STX8: variants seen among roughly 807,000 people sequenced by gnomAD.
STX8 encodes syntaxin 8.
STX8 carries 23 observed loss-of-function variants against 37.5 expected under a neutral mutation model. The ratio of observed to expected loss-of-function variants is 0.61; its 90% confidence interval spans 0.44 to 0.87. STX8 has a LOEUF of 0.87. Among genes scored for constraint, STX8 ranks in the 40% least tolerant of loss-of-function variants. The pLI, the probability that STX8 is intolerant of heterozygous loss-of-function variation, is 0.00. For synonymous variants in STX8, 115 were observed against 99.1 expected (o/e 1.16, Z -0.95); for missense variants, 313 against 284.7 (o/e 1.10, Z -0.71).
chr17:9,434,662 A>C (rs553483432), intron 6 of STX8, among the ~76,000 whole-genome samples: 1 of 152,358 alleles, frequency 6.6e-6, no homozygotes, highest in East Asian at 1.9e-4. Flanking sequence ...GGCTTCACCC[A>C]GGAAAGAATT....
At position 9,303,183 on chromosome 17, in the gene STX8, C is replaced by G. The variant is rs537780424; in HGVS notation, c.644-52538G>C. On this transcript the variant is annotated intron_variant, in intron 7 of 7. Transcript: ENST00000306357. ...GCGCATTCCTGTAGTCCCAGCTACT[C>G]AGGAGGCTGAGGCAGGAGAATCGCT... 3.3e-5 allele frequency among the ~76,000 whole-genome samples: 5 copies of G among 152,166 alleles called. No individual in the cohort carries two copies. The East Asian group carries it at 9.7e-4, about 29-fold the overall frequency.
intron 6 of STX8, among the ~76,000 whole-genome samples, chr17:9,416,072 T>G (rs1471256794): frequency 6.6e-6 from 1 of 152,206 alleles, no homozygotes; most frequent in African/African-American, 2.4e-5. Flanking sequence ...TCATTCCCTA[T>G]CTCCAAGTGT....
chr17:9,485,853 T>C lies in STX8; in HGVS notation c.541+5976A>G, dbSNP rs578044555. Among the ~76,000 whole-genome samples the C allele has an allele frequency of 3.3e-5, 5 of 152,286 alleles. No homozygotes were observed. The East Asian group carries it at 9.6e-4, about 29-fold the overall frequency. On this transcript the variant is annotated intron_variant, in intron 6 of 7. Transcript: ENST00000306357. ...CACCTACCTTGGCCTCCCAAAGTAC[T>C]GGGATTACAGGCATAAGCCACCATG... is the stretch of plus-strand genomic sequence containing the variant.
At chr17:9,333,262 C>A (rs536329094) in intron 7 of STX8, among the ~76,000 whole-genome samples, 1 of 152,304 alleles carries the variant, frequency 6.6e-6, no homozygotes, top group Admixed American at 6.5e-5. Context: ...CTCTCTCCCC[C>A]ACAATAGTCC....
At position 9,559,492 on chromosome 17, in the gene STX8, G is replaced by A. The variant is rs144001169; in HGVS notation, c.118-1964C>T. Among the ~76,000 whole-genome samples the A allele has an allele frequency of 2.9e-3, 436 of 151,392 alleles. 2 individuals are homozygous for A. Among genetic ancestry groups the A allele is most frequent in the African/African-American group, 0.01 (417 of 41,350 alleles). On this transcript the variant is annotated intron_variant, in intron 2 of 7. Coordinates refer to ENST00000306357, the MANE Select transcript of STX8 (RefSeq NM_004853.3). ...TAAAAACAGAATAAACATATGATTA[G>A]TACAGTACAGGGGAAATTATAAACA... is the stretch of plus-strand genomic sequence containing the variant.
rs745424722 is a variant in STX8, at chr17:9,546,590, G to GTTTTTTTTTTTTTTTTTTT, written c.213-1309_213-1308insAAAAAAAAAAAAAAAAAAA. ...CTTTCTTGATGCAAACTACAAAAGT[G>GTTTTTTTTTTTTTTTTTTT]GTTTTTTTTTTTTTTTTTTTTTTTT... On this transcript the variant is annotated intron_variant, in intron 3 of 7. Coordinates refer to ENST00000306357, the MANE Select transcript of STX8 (RefSeq NM_004853.3). 6.0e-3 allele frequency among the ~76,000 whole-genome samples: 374 copies of GTTTTTTTTTTTTTTTTTTT among 62,096 alleles called. 33 individuals carry two copies. The highest frequency in any genetic ancestry group is 0.012 in the South Asian group (18 of 1,478). The allele number at this position is 62,096 out of a possible 152,430, so 40.7% of individuals were successfully genotyped here. A position where few individuals can be genotyped will look rare whatever the true frequency, so the allele number is the denominator to read the frequency against.
intron 4 of STX8, among the ~76,000 whole-genome samples, chr17:9,519,578 A>G (rs895662765): frequency 6.6e-6 from 1 of 152,066 alleles, no homozygotes; most frequent in Non-Finnish European, 1.5e-5. Context: ...CTCTGCTGCA[A>G]GAATTATTGT....
chr17:9,438,210 T>C (rs2142381585), intron 6 of STX8, among the ~76,000 whole-genome samples: 1 of 133,140 alleles, frequency 7.5e-6, no homozygotes, highest in South Asian at 2.4e-4. Context: ...GCCACTGTAC[T>C]CCAGCCTGGG....
Position 9,338,926 on chromosome 17 carries a change from C to T in STX8, c.643+39626G>A, listed in dbSNP as rs559671670. 3.7e-4 allele frequency among the ~76,000 whole-genome samples: 56 copies of T among 152,098 alleles called. 1 individual carries two copies. The South Asian group carries it at 5.0e-3, about 14-fold the overall frequency. Reference sequence around the variant, plus strand: ...CTCTACTAAAAATACAAAAAATTAGCTGGTTGTGGTGGCGGGTGCCTGTAA... The same window carrying T: ...CTCTACTAAAAATACAAAAAATTAGTTGGTTGTGGTGGCGGGTGCCTGTAA... On this transcript the variant is annotated intron_variant, in intron 7 of 7. Coordinates refer to ENST00000306357, the MANE Select transcript of STX8 (RefSeq NM_004853.3).
intron 7 of STX8, among the ~76,000 whole-genome samples, chr17:9,304,554 G>T (rs77501110): frequency 1.4e-5 from 2 of 143,650 alleles, no homozygotes; most frequent in African/African-American, 5.1e-5. Flanking sequence ...AAAAGAAAAC[G>T]AAAAATACAA....
At chr17:9,250,788 G>C in intron 7 of STX8, 143 bp from the exon 8 acceptor site, 4 of 820,586 alleles carry the variant, frequency 4.9e-6, no homozygotes, top group Non-Finnish European at 7.7e-6. Context: ...GTGGTCGGTG[G>C]CCTGGGGCGC....
At chr17:9,433,245 C>T (rs1914038830) in intron 6 of STX8, among the ~76,000 whole-genome samples, 2 of 152,230 alleles carry the variant, frequency 1.3e-5, no homozygotes, top group African/African-American at 2.4e-5. Flanking sequence ...GTTCAAATCA[C>T]GTCTCCTTCA....
At chr17:9,390,879 A>G (rs1341704884) in intron 6 of STX8, among the ~76,000 whole-genome samples, 1 of 152,104 alleles carries the variant, frequency 6.6e-6, no homozygotes, top group African/African-American at 2.4e-5. Flanking sequence ...TTTTAAATTA[A>G]AAGACATTAA....
At chr17:9,427,354 A>C (rs1913673061) in intron 6 of STX8, among the ~76,000 whole-genome samples, 1 of 152,112 alleles carries the variant, frequency 6.6e-6, no homozygotes, top group African/African-American at 2.4e-5. Flanking sequence ...ACGCCTCCCC[A>C]GTGTGGCAGG....
intron 6 of STX8, among the ~76,000 whole-genome samples, chr17:9,383,288 G>A (rs956373308): frequency 1.3e-5 from 2 of 152,160 alleles, no homozygotes; most frequent in East Asian, 3.8e-4. Flanking sequence ...ACTAAAGCAC[G>A]ACTTATGGAA....
chr17:9,547,116 C>T (rs1906558991), intron 3 of STX8, among the ~76,000 whole-genome samples: 1 of 151,568 alleles, frequency 6.6e-6, no homozygotes, highest in African/African-American at 2.4e-5. Flanking sequence ...GGCGTGGTGG[C>T]GTGCGCCTGT....
chr17:9,352,494 G>A (rs1315637268), intron 7 of STX8, among the ~76,000 whole-genome samples: 1 of 119,036 alleles, frequency 8.4e-6, no homozygotes, highest in Non-Finnish European at 1.7e-5. Flanking sequence ...TTGAGACGGA[G>A]TCTTGCTCTG....
At chr17:9,416,553 G>T (rs948209547) in intron 6 of STX8, among the ~76,000 whole-genome samples, 1 of 151,092 alleles carries the variant, frequency 6.6e-6, no homozygotes, top group Non-Finnish European at 1.5e-5. Flanking sequence ...ATTTTTAGTA[G>T]AGACGGGATT....
intron 7 of STX8, among the ~76,000 whole-genome samples, chr17:9,315,602 T>A (rs1229311241): frequency 6.6e-6 from 1 of 152,252 alleles, no homozygotes; most frequent in African/African-American, 2.4e-5. Context: ...GTTGACTATG[T>A]ATATTTAGCC....
Sources: allele counts gnomAD v4.1 joint callset (sites outside exome capture counted in the v4.1 genomes callset), GRCh38; gene constraint gnomAD v4.1.1; transcripts MANE v1.5; gene names NCBI Gene and HGNC (gene_info 2026-07-23, HGNC 2026-07-21).